The following GTF2A1L variants were observed in gnomAD, a reference collection of about 807,000 sequenced individuals.
GTF2A1L encodes the protein general transcription factor IIA subunit 1 like.
A neutral mutation model predicts 49.7 loss-of-function variants in GTF2A1L; 48 were observed. That is an observed-to-expected ratio of 0.97 (90% CI 0.77 to 1.23). The LOEUF is 1.23. Ranked by LOEUF, GTF2A1L falls within the 50% of genes most tolerant of loss-of-function variation. The pLI is 0.00. For missense variants in GTF2A1L, 736 were observed against 564.8 expected (o/e 1.30, Z -3.07); for synonymous variants, 246 against 193.5 (o/e 1.27, Z -2.25).
chr2:48,630,829 T>A (rs182070327), intron 3 of GTF2A1L, among the ~76,000 whole-genome samples: 2 of 152,274 alleles, frequency 1.3e-5, no homozygotes, highest in Admixed American at 6.5e-5. Flanking sequence ...TGAAGTCATG[T>A]TGGATTTTAC....
At chr2:48,661,832 T>A (rs1678518051) in intron 6 of GTF2A1L, among the ~76,000 whole-genome samples, 1 of 152,184 alleles carries the variant, frequency 6.6e-6, no homozygotes, top group Non-Finnish European at 1.5e-5. Context: ...TATAGTTGGA[T>A]CTTGTTTTTT....
At chr2:48,667,211 A>G (rs1364907683) in intron 6 of GTF2A1L, among the ~76,000 whole-genome samples, 1 of 151,592 alleles carries the variant, frequency 6.6e-6, no homozygotes, top group East Asian at 1.9e-4. Context: ...TGCCAGCTTC[A>G]GTGTCCCAAA....
rs1676296712 is a variant in GTF2A1L, at chr2:48,626,435, G to A, written c.247+5145G>A. On this transcript the variant is annotated intron_variant, in intron 3 of 8. Coordinates refer to ENST00000403751, the MANE Select transcript of GTF2A1L (RefSeq NM_006872.5). ...GAAAGTCATTGGAATTTTGATAAGA[G>A]ATTTTGTTGAATCCATATTTTGCTT... 2.1e-5 allele frequency among the ~76,000 whole-genome samples: 3 copies of A among 144,074 alleles called. 1 individual carries two copies. The highest frequency in any genetic ancestry group is 7.0e-5 in the Admixed American group (1 of 14,224). 94.5% of individuals were successfully genotyped at this position (144,074 alleles called of 152,430 possible).
At chr2:48,625,956 C>G (rs1255987690) in intron 3 of GTF2A1L, among the ~76,000 whole-genome samples, 1 of 144,062 alleles carries the variant, frequency 6.9e-6, no homozygotes, top group Non-Finnish European at 1.6e-5. Flanking sequence ...CATTGTCAAA[C>G]AGGTTTTCCT....
At chr2:48,659,111 C>T (rs1458731040) in intron 6 of GTF2A1L, among the ~76,000 whole-genome samples, 1 of 151,956 alleles carries the variant, frequency 6.6e-6, no homozygotes, top group Non-Finnish European at 1.5e-5. Flanking sequence ...TCTCTAGTTG[C>T]CTTTATATAT....
chr2:48,632,554 T>C (rs1676640077), intron 3 of GTF2A1L: 1 of 152,868 alleles, frequency 6.5e-6, no homozygotes, highest in Non-Finnish European at 1.5e-5. Context: ...AGCTAATTTT[T>C]TTATTTTTAG....
chr2:48,618,000 T>C, intron 1 of GTF2A1L, 105 bp downstream of exon 1: 1 of 1,155,814 alleles, frequency 8.7e-7, no homozygotes, highest in South Asian at 1.5e-5. Flanking sequence ...TTACAGATTG[T>C]CATAAACCCT....
At position 48,646,583 on chromosome 2, in the gene GTF2A1L, A is replaced by G. The variant is rs765700159; in HGVS notation, c.519A>G (p.Pro173=). ...GQPSVIQTSV[P]QLNPWSLQAT... ...CTTCAGTAATACAAACTAGTGTTCCACAATTGAATCCATGGTCTCTTCAAG... is the reference window on the plus strand; with the variant it reads ...CTTCAGTAATACAAACTAGTGTTCCGCAATTGAATCCATGGTCTCTTCAAG... The change falls in exon 6 of 9, where the codon CCA becomes CCG. Residue 173 remains proline (P), a synonymous_variant. Transcript: ENST00000403751. 8 of 1,614,066 alleles carry G rather than the reference A, an allele frequency of 5.0e-6. No individual in the cohort carries two copies. The South Asian group carries it at 5.5e-5, about 11-fold the overall frequency.
intron 6 of GTF2A1L, 41 bp from the exon 7 acceptor site, chr2:48,669,681 T>C: frequency 1.3e-6 from 2 of 1,569,724 alleles, no homozygotes; most frequent in Non-Finnish European, 1.7e-6. Flanking sequence ...TTTATATACC[T>C]TATTTGACTT....
intron 8 of GTF2A1L, among the ~76,000 whole-genome samples, chr2:48,673,796 A>G (rs1679303541): frequency 6.6e-6 from 1 of 152,184 alleles, no homozygotes; most frequent in Admixed American, 6.5e-5. Context: ...CTGTTTGTTC[A>G]GATTTTTGTG....
chr2:48,677,050 T>C lies in GTF2A1L; in HGVS notation c.1330-2285T>C, dbSNP rs537011879. Among the ~76,000 whole-genome samples, 33 of 152,098 alleles carry C rather than the reference T, an allele frequency of 2.2e-4. No individual in the cohort carries two copies. In the East Asian group the frequency reaches 3.7e-3, roughly 17 times the overall value. ...TTCTAAATGTATTTGGGTCTACTTA[T>C]TGATTTTCTGTTTTGTTCCATTGGT... On this transcript the variant is annotated intron_variant, in intron 8 of 8. Coordinates refer to ENST00000403751, the MANE Select transcript of GTF2A1L (RefSeq NM_006872.5).
chr2:48,675,162 A>T (rs1679398180), intron 8 of GTF2A1L, among the ~76,000 whole-genome samples: 2 of 152,136 alleles, frequency 1.3e-5, no homozygotes, highest in Non-Finnish European at 2.9e-5. Context: ...GAGCTTTACT[A>T]ATTCAGTGTG....
rs375174783 is a variant in GTF2A1L, at chr2:48,646,794, C to G, written c.730C>G (p.Leu244Val). The change falls in exon 6 of 9, where the codon CTT (leucine) becomes GTT (valine). Residue 244 changes from leucine to valine, a missense_variant. By Grantham distance (32) the Leu-to-Val change is conservative. Transcript: ENST00000403751. ...CHQESSHYIS[L>V]PGVVFSPQVS... Reference sequence around the variant, plus strand: ...TCAGGAAAGTTCTCACTATATCAGTCTTCCAGGTGTTGTATTTTCTCCACA... The same window carrying G: ...TCAGGAAAGTTCTCACTATATCAGTGTTCCAGGTGTTGTATTTTCTCCACA... 3 of 1,614,174 alleles carry G rather than the reference C, an allele frequency of 1.9e-6. No individual in the cohort carries two copies. The Admixed American group carries it at 5.0e-5, about 27-fold the overall frequency.
intron 6 of GTF2A1L, among the ~76,000 whole-genome samples, chr2:48,657,254 C>T (rs1257523905): frequency 6.6e-6 from 1 of 152,148 alleles, no homozygotes; most frequent in Non-Finnish European, 1.5e-5. Flanking sequence ...GCCCTCACTT[C>T]CCCTTCTCCC....
At chr2:48,646,411 T>C in intron 5 of GTF2A1L, 42 bp from the exon 6 acceptor site, 1 of 1,429,936 alleles carries the variant, frequency 7.0e-7, no homozygotes, top group Non-Finnish European at 9.2e-7. Context: ...AAAGGAAATT[T>C]TAATTCTATT....
intron 3 of GTF2A1L, among the ~76,000 whole-genome samples, chr2:48,637,281 A>G (rs1465002497): frequency 6.6e-6 from 1 of 152,224 alleles, no homozygotes; most frequent in Non-Finnish European, 1.5e-5. Flanking sequence ...GTATCAAAGA[A>G]TTTTTGATGG....
At chr2:48,676,422 T>C (rs1679470590) in intron 8 of GTF2A1L, among the ~76,000 whole-genome samples, 1 of 151,824 alleles carries the variant, frequency 6.6e-6, no homozygotes, top group Non-Finnish European at 1.5e-5. Flanking sequence ...AAATGCTCTC[T>C]AAGAGCATTT....
intron 8 of GTF2A1L, 125 bp from the exon 9 acceptor site, chr2:48,679,210 A>C: frequency 8.2e-7 from 1 of 1,220,424 alleles, no homozygotes; most frequent in Admixed American, 2.9e-5. Context: ...AACTATCTTG[A>C]GGAGATTTTA....
At chr2:48,635,748 C>T (rs1676851493) in intron 3 of GTF2A1L, among the ~76,000 whole-genome samples, 1 of 152,026 alleles carries the variant, frequency 6.6e-6, no homozygotes, top group African/African-American at 2.4e-5. Flanking sequence ...CTTGTATGGC[C>T]ATGCAGCTGG....
Sources: gnomAD v4.1 joint callset for allele counts (sites outside exome capture counted in the v4.1 genomes callset) on GRCh38, gnomAD v4.1.1 for gene constraint, MANE v1.5 for transcripts, NCBI Gene and HGNC (gene_info 2026-07-23, HGNC 2026-07-21) for gene names.